The following PREPL variants were observed in gnomAD, a reference collection of about 807,000 sequenced individuals.
PREPL encodes the protein prolyl endopeptidase-like.
In PREPL, 77 loss-of-function variants were observed where a neutral mutation model predicts 70.6. The observed-to-expected ratio is 1.09, with a 90% confidence interval of 0.91 to 1.32. The LOEUF (loss-of-function observed/expected upper bound fraction) is 1.32, where lower values mean the gene tolerates loss of function less well. Ranked by LOEUF, PREPL falls within the 40% of genes most tolerant of loss-of-function variation. The pLI, the probability that PREPL is intolerant of heterozygous loss-of-function variation, is 0.00. For missense variants in PREPL, 1,002 were observed against 778.2 expected (o/e 1.29, Z -3.42); for synonymous variants, 315 against 264.8 (o/e 1.19, Z -1.84).
chr2:44,321,860 T>C lies in PREPL; in HGVS notation c.1794A>G (p.Gly598=). The part of the protein sequence containing the change: ...TPNIILDIQP[G]GNHVIEDSHK... ...GAGAATCCTCAATTACATGATTGCCTCCAGGCTGAATATCTAGAATAATAT... is the reference window on the plus strand; with the variant it reads ...GAGAATCCTCAATTACATGATTGCCCCCAGGCTGAATATCTAGAATAATAT... The change falls in exon 13 of 14, where the codon GGA becomes GGG. Residue 598 remains glycine (G), a synonymous_variant. Transcript: ENST00000409411. The C allele has an allele frequency of 1.2e-6, 2 of 1,613,756 alleles. No homozygotes were observed. The highest frequency in any genetic ancestry group is 1.7e-6 in the Non-Finnish European group (2 of 1,179,692).
At chr2:44,322,423 A>G (rs919491459) in intron 12 of PREPL, among the ~76,000 whole-genome samples, 2 of 152,228 alleles carry the variant, frequency 1.3e-5, no homozygotes, top group African/African-American at 4.8e-5. Flanking sequence ...GGCTCAATAA[A>G]TATTGTTAAA....
chr2:44,322,725 T>TC lies in PREPL; in HGVS notation c.1753+5dup, dbSNP rs1438338352. The TC allele has an allele frequency of 3.1e-6, 5 of 1,612,242 alleles. No homozygotes were observed. Among genetic ancestry groups the TC allele is most frequent in the Non-Finnish European group, 4.2e-6 (5 of 1,179,150 alleles). Reference sequence around the variant, plus strand: ...CCATGTTCCCTGCTTCTAGGGGGTCTCCTACCTTCACCTGTGTCCTTAGCA... The same window carrying TC: ...CCATGTTCCCTGCTTCTAGGGGGTCTCCCTACCTTCACCTGTGTCCTTAGCA... On this transcript the variant is annotated splice_donor_region_variant and intron_variant, in intron 12 of 13. Transcript: ENST00000409411.
intron 13 of PREPL, 147 bp from the exon 14 acceptor site, chr2:44,321,592 G>T: frequency 6.7e-7 from 1 of 1,487,118 alleles, no homozygotes; most frequent in East Asian, 2.5e-5. Context: ...AGAGGCAGAA[G>T]GCTTCCAACA....
intron 1 of PREPL, chr2:44,359,987 C>A: frequency 2.5e-6 from 1 of 392,846 alleles, no homozygotes; most frequent in Non-Finnish European, 4.6e-6. Flanking sequence ...TAAAGTTAAT[C>A]CTATCAGGCT....
chr2:44,355,567 T>C (rs1676939664), intron 1 of PREPL, among the ~76,000 whole-genome samples: 1 of 151,990 alleles, frequency 6.6e-6, no homozygotes, highest in African/African-American at 2.4e-5. Context: ...GCAATCACCC[T>C]GTAAAGACTC....
chr2:44,344,021 A>C, intron 3 of PREPL, 70 bp from the exon 4 acceptor site: 1 of 1,496,016 alleles, frequency 6.7e-7, no homozygotes, highest in Non-Finnish European at 8.9e-7. Flanking sequence ...CTGTATTTTA[A>C]TGTTTTAAAT....
chr2:44,323,937 A>G (rs1367959726), intron 10 of PREPL, among the ~76,000 whole-genome samples: 1 of 152,208 alleles, frequency 6.6e-6, no homozygotes, highest in Non-Finnish European at 1.5e-5. Context: ...TATAATCCCC[A>G]AAACTGAAAG....
intron 2 of PREPL, among the ~76,000 whole-genome samples, chr2:44,345,536 T>A (rs1043332499): frequency 9.9e-5 from 15 of 151,946 alleles, no homozygotes; most frequent in African/African-American, 3.6e-4. Context: ...TTAGTAGAGA[T>A]GGGGTTTCAC....
rs371299047 is a variant in PREPL, at chr2:44,326,780, C to G, written c.1411G>C (p.Ala471Pro). ...AATGCTCCTGCAAGCACCCCTCCAG[C>G]ACTGAAAGCAGTCAGGGTTGTTAGA... Reference protein sequence around the residue: ...PSLTTLTAFSAGGVLAGALCN... With the variant: ...PSLTTLTAFSPGGVLAGALCN... Residue 471 changes from alanine to proline, a missense_variant, in exon 10 of 14, where the codon GCT becomes CCT. By Grantham distance (27) the Ala-to-Pro change is conservative. Coordinates refer to ENST00000409411, the MANE Select transcript of PREPL (RefSeq NM_001171613.2). The G allele has an allele frequency of 5.0e-5, 80 of 1,614,052 alleles. No homozygotes were observed. The highest frequency in any genetic ancestry group is 1.0e-4 in the Admixed American group (6 of 59,992).
chr2:44,355,751 T>TTATATATATATATATATATACATA (rs1553363721), intron 1 of PREPL, among the ~76,000 whole-genome samples: 1 of 141,362 alleles, frequency 7.1e-6, no homozygotes, highest in African/African-American at 2.7e-5. Flanking sequence ...AAACTACATA[T>TTATATATATATATATATATACATA]TATATATATA....
At chr2:44,329,920 G>C (rs554948412) in intron 8 of PREPL, among the ~76,000 whole-genome samples, 1 of 152,210 alleles carries the variant, frequency 6.6e-6, no homozygotes, top group South Asian at 2.1e-4. Flanking sequence ...TAATGAAATA[G>C]CACCGTTTAC....
chr2:44,323,047 A>T (rs1176485307), intron 11 of PREPL, among the ~76,000 whole-genome samples, 193 bp from the exon 12 acceptor site: 3 of 152,160 alleles, frequency 2.0e-5, no homozygotes, highest in African/African-American at 4.8e-5. Flanking sequence ...TTTCTTGACT[A>T]AAGGACCTTA....
At position 44,346,344 on chromosome 2, in the gene PREPL, T is replaced by G; in HGVS notation, c.-2A>C. The G allele has an allele frequency of 6.2e-7, 1 of 1,612,810 alleles. No homozygotes were observed. Among genetic ancestry groups the G allele is most frequent in the Non-Finnish European group, 8.5e-7 (1 of 1,179,162 alleles). Reference sequence around the variant, plus strand: ...TCTCACTTTTTCAAATGCATCCATGTTTTCTGGAAGGGGTTTTTCGTTTTC... The same window carrying G: ...TCTCACTTTTTCAAATGCATCCATGGTTTCTGGAAGGGGTTTTTCGTTTTC... On this transcript the variant is annotated 5_prime_UTR_variant, in exon 2 of 14. Coordinates refer to ENST00000409411, the MANE Select transcript of PREPL (RefSeq NM_001171613.2).
rs991748953 is a variant in PREPL at position 44,318,952 on chromosome 2, C to T, written c.*2404G>A. 6.6e-6 allele frequency: 1 copy of T among 152,264 alleles called. No individual in the cohort carries two copies. The highest frequency in any genetic ancestry group is 1.9e-4 in the East Asian group (1 of 5,186). 9.4% of individuals were successfully genotyped at this position (152,264 alleles called of 1,614,324 possible). On this transcript the variant is annotated 3_prime_UTR_variant, in exon 14 of 14. Coordinates refer to ENST00000409411, the MANE Select transcript of PREPL (RefSeq NM_001171613.2). ...AATCTGCAATTACAGAAAAAGACTT[C>T]AACATACTTTTAGAAAGTAGTAACT...
At position 44,332,454 on chromosome 2, in the gene PREPL, C is replaced by G. The variant is rs1674216990; in HGVS notation, c.1086+5G>C. On this transcript the variant is annotated splice_donor_5th_base_variant and intron_variant, in intron 8 of 13. Transcript: ENST00000409411. ...GGAGCTGAAAGTGAAGATTATAAGA[C>G]CTACCTTGCTTTTGGCTTCTAGACG... 1.2e-6 allele frequency: 2 copies of G among 1,608,208 alleles called. No homozygotes were observed. The highest frequency in any genetic ancestry group is 4.5e-5 in the East Asian group (2 of 44,834).
chr2:44,347,180 A>G (rs1293272748), intron 1 of PREPL: 2 of 152,066 alleles, frequency 1.3e-5, no homozygotes, highest in Non-Finnish European at 2.9e-5. Flanking sequence ...AAAAATACAA[A>G]AAAATTTAGC....
rs369915342 is a variant in PREPL, at chr2:44,329,146, G to A, written c.1087-34C>T. 4 of 1,521,038 alleles carry A rather than the reference G, an allele frequency of 2.6e-6. No homozygotes were observed. The East Asian group carries it at 9.0e-5, about 34-fold the overall frequency. The allele number at this position is 1,521,038 out of a possible 1,614,324, so 94.2% of individuals were successfully genotyped here. A position where few individuals can be genotyped will look rare whatever the true frequency, so the allele number is the denominator to read the frequency against. On this transcript the variant is annotated intron_variant, in intron 8 of 13. Transcript: ENST00000409411. ...GAAGAATTACTATGTATGTAAAGAA[G>A]AGTCTTTTATAATAACTGTTTTATC...
chr2:44,322,803 G>A lies in PREPL; in HGVS notation c.1681C>T (p.Leu561=), dbSNP rs1369679944. The change falls in exon 12 of 14, where the codon CTG becomes TTG. Residue 561 remains leucine (L), a synonymous_variant. Transcript: ENST00000409411. The part of the protein sequence containing the change: ...TAYENDERVP[L]KGIVSYTEKL... ...TCAGTATAACTTACAATTCCTTTCA[G>A]AGGTACCCGTTCATCGTTTTCATAT... is the stretch of plus-strand genomic sequence containing the variant. The A allele has an allele frequency of 1.2e-6, 2 of 1,613,846 alleles. No homozygotes were observed. The highest frequency in any genetic ancestry group is 1.3e-5 in the African/African-American group (1 of 75,010).
In PREPL at chr2:44,321,909, G is replaced by A. The variant is rs1335781219; in HGVS notation, c.1754-9C>T. On this transcript the variant is annotated splice_polypyrimidine_tract_variant and intron_variant, in intron 12 of 13. Transcript: ENST00000409411. ...ATTAGGGGTCTGATAGCCTGGAAGA[G>A]TTAACATGTAGAACAATTAGAAGAT... 1 of 1,610,308 alleles carries A rather than the reference G, an allele frequency of 6.2e-7. No homozygotes were observed. Among genetic ancestry groups the A allele is most frequent in the African/African-American group, 1.3e-5 (1 of 74,734 alleles).
Sources: allele counts gnomAD v4.1 joint callset (sites outside exome capture counted in the v4.1 genomes callset), GRCh38; gene constraint gnomAD v4.1.1; transcripts MANE v1.5; gene names NCBI Gene and HGNC (gene_info 2026-07-23, HGNC 2026-07-21).